The following SLC25A25 variants were observed in gnomAD, a reference collection of about 807,000 sequenced individuals.
SLC25A25 encodes the protein mitochondrial adenyl nucleotide antiporter SLC25A25.
In SLC25A25, 32 loss-of-function variants were observed where a neutral mutation model predicts 57.7. That is an observed-to-expected ratio of 0.55 (90% CI 0.42 to 0.74). The LOEUF (loss-of-function observed/expected upper bound fraction) is 0.74. SLC25A25 is among the 30% of genes least tolerant of loss of function. SLC25A25 has a pLI of 0.00. For missense variants in SLC25A25, 556 were observed against 701.3 expected (o/e 0.79, Z 2.34); for synonymous variants, 306 against 291.2 (o/e 1.05, Z -0.52).
rs755047936 is a variant in SLC25A25, at chr9:128,107,397, G to A, written c.1501G>A (p.Val501Met). Residue 501 changes from valine (V) to methionine (M), a missense_variant, in exon 11 of 11, where the codon GTG (valine) becomes ATG (methionine). Around this residue, in one of 3 missense-constraint regions of SLC25A25, gnomAD observed 294 missense variants for 389.6 expected, o/e 0.75. Transcript: ENST00000373069. ...KVIPAVSISY[V>M]VYENLKITLG... ...CATCCCAGCTGTGAGCATCAGCTAC[G>A]TGGTCTACGAGAACCTGAAGATCAC... 4.0e-6 allele frequency: 6 copies of A among 1,510,960 alleles called. No individual in the cohort carries two copies. The highest frequency in any genetic ancestry group is 1.4e-5 in the African/African-American group (1 of 71,710). 93.6% of individuals were successfully genotyped at this position (1,510,960 alleles called of 1,614,324 possible).
In SLC25A25 at chr9:128,102,522, A is replaced by T. The variant is rs1405013503; in HGVS notation, c.624+41A>T. 1 of 1,540,142 alleles carries T rather than the reference A, an allele frequency of 6.5e-7. No individual in the cohort carries two copies. Among genetic ancestry groups the T allele is most frequent in the East Asian group, 2.3e-5 (1 of 43,790 alleles). On this transcript the variant is annotated intron_variant, in intron 5 of 10. Transcript: ENST00000373069. The surrounding 1 kb of genome is among the most constrained non-coding windows in gnomAD (Gnocchi z 4.1). The stretch of plus-strand genomic sequence containing the variant: ...CCAGGGCCCTCATCTGCTCCCAGGG[A>T]CCCTTAGCCCAGAGTCACCCAGTCG...
intron 1 of SLC25A25, among the ~76,000 whole-genome samples, chr9:128,083,961 TTGTG>T (rs1228756426): frequency 6.6e-6 from 1 of 152,166 alleles, no homozygotes; most frequent in Non-Finnish European, 1.5e-5. Context: ...CCAATTGTCT[TTGTG>T]TGTGGTGCTC....
intron 1 of SLC25A25, among the ~76,000 whole-genome samples, chr9:128,088,913 A>G (rs1274410121): frequency 6.6e-6 from 1 of 152,144 alleles, no homozygotes; most frequent in Non-Finnish European, 1.5e-5. Flanking sequence ...CAGGGCTCAC[A>G]TTCATTAAAG....
At chr9:128,075,125 A>T (rs921633364) in intron 1 of SLC25A25, among the ~76,000 whole-genome samples, 2 of 148,598 alleles carry the variant, frequency 1.3e-5, no homozygotes, top group African/African-American at 5.1e-5. Flanking sequence ...AGACAGAGTG[A>T]GATTCCATCT....
At chr9:128,105,566 G>A (rs939089598) in intron 6 of SLC25A25, among the ~76,000 whole-genome samples, 163 bp from the exon 7 acceptor site, 31 of 152,322 alleles carry the variant, frequency 2.0e-4, no homozygotes, top group South Asian at 1.0e-3. Flanking sequence ...TCACTTAGCC[G>A]TGTTGGGTTA....
At position 128,107,975 on chromosome 9, in the gene SLC25A25, C is replaced by T. The variant is rs1588800141; in HGVS notation, c.*531C>T. 2.5e-6 allele frequency: 1 copy of T among 398,964 alleles called. No individual in the cohort carries two copies. The highest frequency in any genetic ancestry group is 4.4e-6 in the Non-Finnish European group (1 of 226,308). 24.7% of individuals were successfully genotyped at this position (398,964 alleles called of 1,614,324 possible). A position where few individuals can be genotyped will look rare whatever the true frequency, so the allele number is the denominator to read the frequency against. The stretch of plus-strand genomic sequence containing the variant: ...ACGTGGCCTCCCAGGCCTGACTTCC[C>T]AACCTACAGCATTGACGCCAACTTG... On this transcript the variant is annotated 3_prime_UTR_variant, in exon 11 of 11. Coordinates refer to ENST00000373069, the MANE Select transcript of SLC25A25 (RefSeq NM_001330988.2).
Position 128,107,348 on chromosome 9 carries a change from G to T in SLC25A25, c.1452G>T (p.Gly484=). ...AGGGGGCCTTCGGGCTGTACAGGGG[G>T]CTGGCCCCCAACTTCATGAAGGTCA... ...RTEGAFGLYR[G]LAPNFMKVIP... is the part of the protein sequence containing the mutation. The change falls in exon 11 of 11, where the codon GGG becomes GGT. Residue 484 remains glycine, a synonymous_variant. Transcript: ENST00000373069. 2 of 1,520,668 alleles carry T rather than the reference G, an allele frequency of 1.3e-6. No homozygotes were observed. The highest frequency in any genetic ancestry group is 1.8e-6 in the Non-Finnish European group (2 of 1,132,954). The allele number at this position is 1,520,668 out of a possible 1,614,324, so 94.2% of individuals were successfully genotyped here. A position where few individuals can be genotyped will look rare whatever the true frequency, so the allele number is the denominator to read the frequency against.
Position 128,099,818 on chromosome 9 carries a change from G to T in SLC25A25, c.262-1278G>T, listed in dbSNP as rs1021983743. On this transcript the variant is annotated intron_variant, in intron 1 of 10. Coordinates refer to ENST00000373069, the MANE Select transcript of SLC25A25 (RefSeq NM_001330988.2). The surrounding 1 kb of genome is among the most constrained non-coding windows in gnomAD (Gnocchi z 6.8). ...GGCGCGGTGGTGATCCTTTGAGGAC[G>T]CGAGCTAGCCAGTGGGCCATCCATT... Among the ~76,000 whole-genome samples the T allele has an allele frequency of 3.3e-5, 5 of 152,136 alleles. No homozygotes were observed. The highest frequency in any genetic ancestry group is 7.2e-5 in the African/African-American group (3 of 41,404).
intron 1 of SLC25A25, among the ~76,000 whole-genome samples, chr9:128,073,120 A>T (rs1451807778): frequency 6.6e-6 from 1 of 152,230 alleles, no homozygotes; most frequent in Non-Finnish European, 1.5e-5. Context: ...GTTCAAAAAG[A>T]CAATGGAACA....
At chr9:128,106,666 C>T in intron 9 of SLC25A25, 146 bp downstream of exon 9, 2 of 1,091,788 alleles carry the variant, frequency 1.8e-6, no homozygotes, top group Non-Finnish European at 2.6e-6. Context: ...TGCAGCTTTC[C>T]TTCACCCTGC....
chr9:128,084,443 G>C, intron 1 of SLC25A25, among the ~76,000 whole-genome samples: 1 of 151,976 alleles, frequency 6.6e-6, no homozygotes, highest in East Asian at 1.9e-4. Context: ...GATTACAGGC[G>C]TGAGCCACCG....
At position 128,107,365 on chromosome 9, in the gene SLC25A25, T is replaced by C. The variant is rs767280977; in HGVS notation, c.1469T>C (p.Met490Thr). ...GLYRGLAPNF[M>T]KVIPAVSISY... Reference sequence around the variant, plus strand: ...TACAGGGGGCTGGCCCCCAACTTCATGAAGGTCATCCCAGCTGTGAGCATC... The same window carrying C: ...TACAGGGGGCTGGCCCCCAACTTCACGAAGGTCATCCCAGCTGTGAGCATC... Residue 490 changes from methionine to threonine, a missense_variant, in exon 11 of 11, where the codon ATG becomes ACG. Physicochemically the swap from Met to Thr is moderately conservative, Grantham distance 81. This residue lies in a region of SLC25A25 where 294 missense variants were observed against 389.6 expected (regional missense o/e 0.75). Transcript: ENST00000373069. 3 of 1,515,662 alleles carry C rather than the reference T, an allele frequency of 2.0e-6. No individual in the cohort carries two copies. Among genetic ancestry groups the C allele is most frequent in the Admixed American group, 4.4e-5 (2 of 45,256 alleles). 93.9% of individuals were successfully genotyped at this position (1,515,662 alleles called of 1,614,324 possible).
rs968885781 is a variant in SLC25A25 at position 128,107,274 on chromosome 9, G to A, written c.1378G>A (p.Ala460Thr). 3.1e-6 allele frequency: 5 copies of A among 1,592,236 alleles called. No homozygotes were observed. Among genetic ancestry groups the A allele is most frequent in the African/African-American group, 2.7e-5 (2 of 74,442 alleles). The change falls in exon 11 of 11, where the codon GCT (alanine) becomes ACT (threonine). Residue 460 changes from alanine to threonine, a missense_variant. This residue lies in a region of SLC25A25 where 294 missense variants were observed against 389.6 expected (regional missense o/e 0.75). Transcript: ENST00000373069. ...CCATCCTGCAGCCTCTATTGAGGGCGCTCCGGAGGTGACCATGAGCAGCCT... is the reference window on the plus strand; with the variant it reads ...CCATCCTGCAGCCTCTATTGAGGGCACTCCGGAGGTGACCATGAGCAGCCT... The part of the protein sequence containing the change: ...RMQAQASIEG[A>T]PEVTMSSLFK...
chr9:128,070,389 CGCCCG>C (rs915483983), intron 1 of SLC25A25, among the ~76,000 whole-genome samples: 3 of 151,416 alleles, frequency 2.0e-5, no homozygotes, highest in African/African-American at 7.3e-5. Flanking sequence ...TGAGCCACCG[CGCCCG>C]GCCACCCAGC....
chr9:128,089,654 A>G, intron 1 of SLC25A25, among the ~76,000 whole-genome samples: 1 of 98,234 alleles, frequency 1.0e-5, no homozygotes. Context: ...TTTTTTTTTG[A>G]GACAGGATCT....
Position 128,068,465 on chromosome 9 carries a change from G to C in SLC25A25, c.146G>C (p.Arg49Pro), listed in dbSNP as rs764557683. ...AICGGPDHRL[R>P]LWRLFQTLDV... is the part of the protein sequence containing the mutation. ...TGCGGGGGCCCGGACCACCGGCTGC[G>C]CCTGTGGAGACTCTTTCAGACGCTC... Residue 49 changes from arginine (R) to proline (P), a missense_variant, in exon 1 of 11, where the codon CGC (arginine) becomes CCC (proline). Arg to Pro is a moderately radical substitution (Grantham distance 103). Coordinates refer to ENST00000373069, the MANE Select transcript of SLC25A25 (RefSeq NM_001330988.2). 33 of 1,556,040 alleles carry C rather than the reference G, an allele frequency of 2.1e-5. No individual in the cohort carries two copies. In the Middle Eastern group the frequency reaches 1.2e-3, roughly 56 times the overall value.
rs868128003 is a variant in SLC25A25 at position 128,098,741 on chromosome 9, G to C, written c.262-2355G>C. On this transcript the variant is annotated intron_variant, in intron 1 of 10. Transcript: ENST00000373069. ...GTGGAAGCAGGTCTGTGGGGTGACC[G>C]CGCGGAAGGGAGAGGCGCATTCAAC... The C allele has an allele frequency of 1.9e-6, 3 of 1,612,380 alleles. No homozygotes were observed. In the African/African-American group the frequency reaches 4.0e-5, roughly 21 times the overall value.
chr9:128,081,619 TATAAG>T (rs1223112938), intron 1 of SLC25A25, among the ~76,000 whole-genome samples: 7 of 152,142 alleles, frequency 4.6e-5, no homozygotes, highest in South Asian at 4.2e-4. Flanking sequence ...ATCATGCTCT[TATAAG>T]AGCAGAAAAA....
At chr9:128,088,638 CCTT>C (rs889604885) in intron 1 of SLC25A25, among the ~76,000 whole-genome samples, 3 of 152,210 alleles carry the variant, frequency 2.0e-5, no homozygotes, top group African/African-American at 7.2e-5. Context: ...GAATCAGTGT[CCTT>C]AGCCTGTTGT....
Sources: allele counts gnomAD v4.1 joint callset (sites outside exome capture counted in the v4.1 genomes callset), GRCh38; gene constraint gnomAD v4.1.1; regional missense constraint gnomAD v4.1.1; non-coding constraint Gnocchi (gnomAD v3.1); transcripts MANE v1.5; gene names NCBI Gene and HGNC (gene_info 2026-07-23, HGNC 2026-07-21).